The following ESYT2 variants were observed in gnomAD, a reference collection of about 807,000 sequenced individuals.
ESYT2 encodes the protein extended synaptotagmin 2, also known as extended synaptotagmin-2.
A neutral mutation model predicts 107.2 loss-of-function variants in ESYT2; 54 were observed. The ratio of observed to expected loss-of-function variants is 0.50; its 90% CI spans 0.40 to 0.63. The LOEUF is 0.63. Among genes scored for constraint, ESYT2 ranks in the 30% least tolerant of loss-of-function variants. The pLI, the probability that ESYT2 is intolerant of heterozygous loss-of-function variation, is 0.00. For synonymous variants in ESYT2, 491 were observed against 434.1 expected (o/e 1.13, Z -1.63); for missense variants, 1,020 against 1,094.5 (o/e 0.93, Z 0.96).
intron 4 of ESYT2, among the ~76,000 whole-genome samples, chr7:158,789,811 G>A (rs1211510633): frequency 6.6e-6 from 1 of 152,126 alleles, no homozygotes; most frequent in South Asian, 2.1e-4. Flanking sequence ...CATATGTTAC[G>A]GCAGCTAACC....
intron 6 of ESYT2, among the ~76,000 whole-genome samples, chr7:158,782,986 A>T (rs922212742): frequency 3.3e-5 from 5 of 152,166 alleles, no homozygotes; most frequent in Admixed American, 6.5e-5. Flanking sequence ...CTGGCTTTAG[A>T]AGGCGCCTTT....
chr7:158,827,409 A>G (rs1020486329), intron 1 of ESYT2: 6 of 152,112 alleles, frequency 3.9e-5, no homozygotes, highest in African/African-American at 1.4e-4. Context: ...ACGTCACTTT[A>G]AAGTCCTTTT....
chr7:158,806,136 C>CACT (rs1275821454), intron 1 of ESYT2, among the ~76,000 whole-genome samples: 8 of 147,764 alleles, frequency 5.4e-5, no homozygotes, highest in African/African-American at 7.8e-5. Context: ...TGGGAGGTGC[C>CACT]GGGGCACACC....
chr7:158,765,329 G>A (rs1436588861), intron 8 of ESYT2, among the ~76,000 whole-genome samples: 1 of 152,228 alleles, frequency 6.6e-6, no homozygotes, highest in Non-Finnish European at 1.5e-5. Context: ...CATTAGACAT[G>A]TAGTAACTAT....
At position 158,733,143 on chromosome 7, in the gene ESYT2, G is replaced by C. The variant is rs1836801878; in HGVS notation, c.*1064C>G. 6.6e-6 allele frequency: 1 copy of C among 152,230 alleles called. No individual in the cohort carries two copies. Among genetic ancestry groups the C allele is most frequent in the Admixed American group, 6.5e-5 (1 of 15,286 alleles). 9.4% of individuals were successfully genotyped at this position (152,230 alleles called of 1,614,324 possible). On this transcript the variant is annotated 3_prime_UTR_variant, in exon 23 of 23. Coordinates refer to ENST00000275418, the MANE Select transcript of ESYT2 (RefSeq NM_001367773.1). ...ACCCTGGTGGTGGCCAGTGCACATCGGCTCAAAGGTCCCACATCCTATGTG... is the reference window on the plus strand; with the variant it reads ...ACCCTGGTGGTGGCCAGTGCACATCCGCTCAAAGGTCCCACATCCTATGTG...
chr7:158,770,507 T>C (rs976753006), intron 7 of ESYT2, among the ~76,000 whole-genome samples: 2 of 150,044 alleles, frequency 1.3e-5, no homozygotes, highest in African/African-American at 4.9e-5. Flanking sequence ...ACATATACGA[T>C]TATATATATA....
chr7:158,773,438 T>A, intron 6 of ESYT2, 42 bp from the exon 7 acceptor site: 1 of 1,605,414 alleles, frequency 6.2e-7, no homozygotes, highest in African/African-American at 1.3e-5. Context: ...CCAAACAATT[T>A]CCAATTATTG....
intron 1 of ESYT2, among the ~76,000 whole-genome samples, chr7:158,828,716 G>A (rs1300347555): frequency 1.3e-5 from 2 of 152,212 alleles, no homozygotes; most frequent in Admixed American, 1.3e-4. Flanking sequence ...GCGGGCGGCG[G>A]CCCCAGGCGG....
chr7:158,759,591 A>G lies in ESYT2; in HGVS notation c.1324-10T>C. Reference sequence around the variant, plus strand: ...TGATGTCTGTTAGCACCTAAAAGGAAAGGAAAAAGCCCTTAGCAGCCATGT... The same window carrying G: ...TGATGTCTGTTAGCACCTAAAAGGAGAGGAAAAAGCCCTTAGCAGCCATGT... On this transcript the variant is annotated splice_polypyrimidine_tract_variant and intron_variant, in intron 12 of 22. Transcript: ENST00000275418. The G allele has an allele frequency of 6.2e-7, 1 of 1,602,824 alleles. No individual in the cohort carries two copies. The highest frequency in any genetic ancestry group is 8.5e-7 in the Non-Finnish European group (1 of 1,171,280).
At position 158,741,847 on chromosome 7, in the gene ESYT2, G is replaced by C. The variant is rs374808273; in HGVS notation, c.1844C>G (p.Ala615Gly). 2.7e-5 allele frequency: 43 copies of C among 1,613,658 alleles called. No homozygotes were observed. Among genetic ancestry groups the C allele is most frequent in the Admixed American group, 1.5e-4 (9 of 59,974 alleles). ...RERPPDHQHS[A>G]QVKRPSVSKE... ...GGACACAGAGGGACGTTTGACTTGA[G>C]CTGAGTGTTGGTGGTCTGGAGGCCT... Residue 615 changes from alanine to glycine, a missense_variant, in exon 18 of 23, where the codon GCT becomes GGT. Ala to Gly is a moderately conservative substitution (Grantham distance 60). Transcript: ENST00000275418.
intron 6 of ESYT2, among the ~76,000 whole-genome samples, chr7:158,781,277 G>A (rs1220292497): frequency 1.5e-5 from 2 of 136,540 alleles, no homozygotes; most frequent in African/African-American, 5.5e-5. Context: ...GTGAGTGAAC[G>A]AGTGTGAGAA....
At chr7:158,795,750 A>T (rs1043731639) in intron 3 of ESYT2, among the ~76,000 whole-genome samples, 2 of 124,402 alleles carry the variant, frequency 1.6e-5, no homozygotes, top group Non-Finnish European at 3.5e-5. Flanking sequence ...TAGGTGTTGA[A>T]GGTAAAGTCA....
At chr7:158,784,393 C>T (rs1839036778) in intron 6 of ESYT2, among the ~76,000 whole-genome samples, 1 of 152,186 alleles carries the variant, frequency 6.6e-6, no homozygotes, top group African/African-American at 2.4e-5. Flanking sequence ...GTCCAGGGGT[C>T]GGTATCTGAC....
At chr7:158,789,892 A>G (rs185099333) in intron 4 of ESYT2, among the ~76,000 whole-genome samples, 1 of 152,350 alleles carries the variant, frequency 6.6e-6, no homozygotes, top group African/African-American at 2.4e-5. Flanking sequence ...ATGTTATGGC[A>G]GCTAACCATG....
chr7:158,758,978 G>A (rs189311155), intron 13 of ESYT2, among the ~76,000 whole-genome samples: 306 of 152,330 alleles, frequency 2.0e-3, no homozygotes, highest in Non-Finnish European at 3.5e-3. Context: ...CCGAGACATG[G>A]CTTCCTTTTG....
chr7:158,819,036 G>A (rs1237272248), intron 1 of ESYT2, among the ~76,000 whole-genome samples: 2 of 152,222 alleles, frequency 1.3e-5, no homozygotes, highest in African/African-American at 2.4e-5. Context: ...TGTGCTACAC[G>A]AAACCATGGC....
At chr7:158,779,750 C>G (rs1838706855) in intron 6 of ESYT2, among the ~76,000 whole-genome samples, 1 of 152,238 alleles carries the variant, frequency 6.6e-6, no homozygotes, top group East Asian at 1.9e-4. Flanking sequence ...TCACTTGCTT[C>G]TAAGTCTCTC....
Position 158,741,752 on chromosome 7 carries a change from C to T in ESYT2, c.1939G>A (p.Ala647Thr). ...CCCCCAATGACTGGTGTGGATGGAG[C>T]TGTGTTGCTGCCACCAGGGCCTGGA... The part of the protein sequence containing the change: ...GSPGPGGSNT[A>T]PSTPVIGGSD... The change falls in exon 18 of 23, where the codon GCT becomes ACT. Residue 647 changes from alanine (A) to threonine (T), a missense_variant. By Grantham distance (58) the Ala-to-Thr change is moderately conservative. Coordinates refer to ENST00000275418, the MANE Select transcript of ESYT2 (RefSeq NM_001367773.1). 2 of 1,614,038 alleles carry T rather than the reference C, an allele frequency of 1.2e-6. No individual in the cohort carries two copies. Among genetic ancestry groups the T allele is most frequent in the Non-Finnish European group, 8.5e-7 (1 of 1,180,002 alleles).
At chr7:158,817,224 AGACT>A in intron 1 of ESYT2, among the ~76,000 whole-genome samples, 1 of 152,206 alleles carries the variant, frequency 6.6e-6, no homozygotes, top group East Asian at 1.9e-4. Flanking sequence ...CACAGACTTA[AGACT>A]GACAGAACTG....
Sources: allele counts gnomAD v4.1 joint callset (sites outside exome capture counted in the v4.1 genomes callset), GRCh38; gene constraint gnomAD v4.1.1; transcripts MANE v1.5; gene names NCBI Gene and HGNC (gene_info 2026-07-23, HGNC 2026-07-21).